The following PLEKHM3 variants were observed in gnomAD, a reference collection of about 807,000 sequenced individuals.
The protein encoded by PLEKHM3 is pleckstrin homology domain containing M3, also known as pleckstrin homology domain-containing family M member 3.
PLEKHM3 carries 45 observed loss-of-function variants against 81.8 expected under a neutral mutation model. That is an observed-to-expected ratio of 0.55 (90% CI 0.43 to 0.71). The LOEUF (loss-of-function observed/expected upper bound fraction) is 0.71, where lower values mean the gene tolerates loss of function less well. Ranked by LOEUF, PLEKHM3 falls within the 30% of genes least tolerant of loss-of-function variation. PLEKHM3 has a pLI of 0.00. For synonymous variants in PLEKHM3, 352 were observed against 356.4 expected (o/e 0.99, Z 0.14); for missense variants, 788 against 924.3 (o/e 0.85, Z 1.91).
chr2:208,012,807 C>A (rs1045922692), intron 1 of PLEKHM3, among the ~76,000 whole-genome samples: 2 of 152,228 alleles, frequency 1.3e-5, no homozygotes, highest in South Asian at 4.1e-4. Context: ...CAAATGTGGA[C>A]AAAGTATGTG....
intron 7 of PLEKHM3, among the ~76,000 whole-genome samples, chr2:207,830,919 T>C (rs570469689): frequency 5.2e-4 from 79 of 152,270 alleles, no homozygotes; most frequent in Admixed American, 9.1e-4. Flanking sequence ...CAGTCTGTGG[T>C]CTTCCGTGTG....
chr2:208,013,686 C>T (rs1392261763), intron 1 of PLEKHM3, among the ~76,000 whole-genome samples: 2 of 152,148 alleles, frequency 1.3e-5, no homozygotes, highest in Non-Finnish European at 2.9e-5. Context: ...CTTTCTGACC[C>T]ACAGACACAT....
At chr2:207,987,351 C>T (rs57597877) in intron 2 of PLEKHM3, among the ~76,000 whole-genome samples, 11,748 of 152,262 alleles carry the variant, frequency 0.077, 1,428 homozygotes, top group African/African-American at 0.26. Context: ...TAGCCACCGA[C>T]TCTAATTCCA....
chr2:207,931,513 A>G (rs983175787), intron 4 of PLEKHM3, among the ~76,000 whole-genome samples: 2 of 152,256 alleles, frequency 1.3e-5, no homozygotes, highest in African/African-American at 4.8e-5. Flanking sequence ...ACCTCTCTGA[A>G]TTGTCTATGC....
chr2:207,863,584 G>A (rs1479963605), intron 6 of PLEKHM3, among the ~76,000 whole-genome samples: 4 of 152,246 alleles, frequency 2.6e-5, no homozygotes, highest in Non-Finnish European at 5.9e-5. Context: ...TGGCAGCGGG[G>A]GTTGCCACCC....
intron 5 of PLEKHM3, among the ~76,000 whole-genome samples, chr2:207,920,255 C>T (rs2105919905): frequency 6.6e-6 from 1 of 152,318 alleles, no homozygotes. Context: ...GGAGCAAATG[C>T]TCCCTGAGAA....
At chr2:207,940,546 T>G (rs1176108699) in intron 4 of PLEKHM3, among the ~76,000 whole-genome samples, 1 of 152,218 alleles carries the variant, frequency 6.6e-6, no homozygotes, top group African/African-American at 2.4e-5. Flanking sequence ...TCTGGCAGTC[T>G]GGGCTCGTTT....
intron 6 of PLEKHM3, among the ~76,000 whole-genome samples, chr2:207,901,681 C>T (rs1688430952): frequency 6.6e-6 from 1 of 152,202 alleles, no homozygotes; most frequent in South Asian, 2.1e-4. Flanking sequence ...ACACTCAATC[C>T]CTTCCTCCTC....
intron 4 of PLEKHM3, among the ~76,000 whole-genome samples, chr2:207,936,995 GA>G (rs1031699754): frequency 3.9e-5 from 6 of 151,958 alleles, no homozygotes; most frequent in Non-Finnish European, 5.9e-5. Context: ...ATTTTTGTAT[GA>G]AAAAATACAT....
intron 7 of PLEKHM3, among the ~76,000 whole-genome samples, chr2:207,832,895 T>C (rs2105880834): frequency 6.6e-6 from 1 of 151,824 alleles, no homozygotes; most frequent in East Asian, 1.9e-4. Context: ...GTGGATCACC[T>C]GAGGTCAGGA....
intron 5 of PLEKHM3, among the ~76,000 whole-genome samples, chr2:207,921,298 C>T (rs1293137702): frequency 2.0e-5 from 3 of 152,208 alleles, no homozygotes; most frequent in Non-Finnish European, 4.4e-5. Flanking sequence ...CTGCCTGCCT[C>T]AGCCTCCCAA....
intron 2 of PLEKHM3, among the ~76,000 whole-genome samples, chr2:207,996,686 T>A (rs1208354616): frequency 6.6e-6 from 1 of 152,130 alleles, no homozygotes; most frequent in Non-Finnish European, 1.5e-5. Context: ...GAAAGAATGG[T>A]CTATTTCCCA....
intron 1 of PLEKHM3, among the ~76,000 whole-genome samples, chr2:208,022,968 T>TA (rs964579109): frequency 6.6e-6 from 1 of 152,148 alleles, no homozygotes; most frequent in Non-Finnish European, 1.5e-5. Flanking sequence ...ACAAATCTAC[T>TA]AAAAAAATGA....
intron 4 of PLEKHM3, among the ~76,000 whole-genome samples, chr2:207,935,816 C>T (rs1689732077): frequency 6.6e-6 from 1 of 152,072 alleles, no homozygotes; most frequent in South Asian, 2.1e-4. Context: ...TTTTCCTGTC[C>T]CTTCTCCATC....
intron 1 of PLEKHM3, among the ~76,000 whole-genome samples, chr2:208,003,422 T>C (rs1293727692): frequency 6.6e-6 from 1 of 152,244 alleles, no homozygotes; most frequent in Admixed American, 6.5e-5. Flanking sequence ...TTTTACCTCT[T>C]AGGTCATTAA....
At chr2:207,847,139 A>G (rs759793509) in intron 7 of PLEKHM3, among the ~76,000 whole-genome samples, 7 of 152,208 alleles carry the variant, frequency 4.6e-5, no homozygotes, top group South Asian at 4.1e-4. Context: ...CAAGTGACCA[A>G]ATGGCCTCAA....
intron 2 of PLEKHM3, among the ~76,000 whole-genome samples, chr2:207,982,056 T>A (rs1468727297): frequency 6.6e-6 from 1 of 152,200 alleles, no homozygotes; most frequent in Non-Finnish European, 1.5e-5. Context: ...ATGAAGAAAA[T>A]GAAGACTTTT....
In PLEKHM3 at chr2:207,930,973, G is replaced by A. The variant is rs375151724; in HGVS notation, c.1839C>T (p.Ala613=). Residue 613 remains alanine (A), a synonymous_variant, in exon 5 of 8, where the codon GCC becomes GCT. Transcript: ENST00000427836. ...RLRQRLKSLR[A]YLFSCRAAVA... is the part of the protein sequence containing the mutation. Reference sequence around the variant, plus strand: ...CCGCTGCCCGGCAGCTGAACAAATAGGCTCGGAGCGACTTCAGCCGCTGCC... The same window carrying A: ...CCGCTGCCCGGCAGCTGAACAAATAAGCTCGGAGCGACTTCAGCCGCTGCC... 1.8e-5 allele frequency: 29 copies of A among 1,613,612 alleles called. No individual in the cohort carries two copies. The highest frequency in any genetic ancestry group is 4.5e-5 in the East Asian group (2 of 44,874).
chr2:207,886,985 T>C (rs1263949912), intron 6 of PLEKHM3, among the ~76,000 whole-genome samples: 3 of 152,186 alleles, frequency 2.0e-5, no homozygotes, highest in Admixed American at 6.5e-5. Flanking sequence ...GGGAAAATAA[T>C]ACCCACTTCA....
Sources: gnomAD v4.1 joint callset for allele counts (sites outside exome capture counted in the v4.1 genomes callset) on GRCh38, gnomAD v4.1.1 for gene constraint, MANE v1.5 for transcripts, NCBI Gene and HGNC (gene_info 2026-07-23, HGNC 2026-07-21) for gene names.